Variants in MACROD2 observed in about 807,000 individuals in gnomAD.
The protein encoded by MACROD2 is mono-ADP ribosylhydrolase 2.
A neutral mutation model predicts 70.4 loss-of-function variants in MACROD2; 36 were observed. The ratio of observed to expected loss-of-function variants is 0.51; its 90% confidence interval spans 0.39 to 0.68. The LOEUF is 0.68. Among genes scored for constraint, MACROD2 ranks in the 30% least tolerant of loss-of-function variants. The pLI, the probability that MACROD2 is intolerant of heterozygous loss-of-function variation, is 0.00. For missense variants in MACROD2, 496 were observed against 538.4 expected (o/e 0.92, Z 0.78); for synonymous variants, 172 against 178.8 (o/e 0.96, Z 0.30).
At chr20:14,797,506 T>C (rs2122127683) in intron 5 of MACROD2, among the ~76,000 whole-genome samples, 1 of 152,104 alleles carries the variant, frequency 6.6e-6, no homozygotes, top group East Asian at 1.9e-4. Flanking sequence ...CTCAGCGCCT[T>C]TGTGCCTGCT....
intron 8 of MACROD2, among the ~76,000 whole-genome samples, chr20:15,607,849 C>T (rs2048915171): frequency 6.6e-6 from 1 of 152,124 alleles, no homozygotes; most frequent in South Asian, 2.1e-4. Context: ...AAAGATGTTT[C>T]TATAAGCCAA....
At chr20:16,040,976 G>A (rs911198488) in intron 15 of MACROD2, among the ~76,000 whole-genome samples, 1 of 151,934 alleles carries the variant, frequency 6.6e-6, no homozygotes, top group Non-Finnish European at 1.5e-5. Context: ...AACTATATAT[G>A]TATATATGTG....
chr20:15,131,191 G>A (rs992372396), intron 5 of MACROD2, among the ~76,000 whole-genome samples: 2 of 152,086 alleles, frequency 1.3e-5, no homozygotes, highest in Admixed American at 1.3e-4. Flanking sequence ...TTGACATGGA[G>A]ACTAATAACA....
intron 5 of MACROD2, among the ~76,000 whole-genome samples, chr20:14,789,460 ATT>A (rs3045609): frequency 0.048 from 2,341 of 48,288 alleles, 106 homozygotes; most frequent in Non-Finnish European, 0.063. Context: ...GGTAGTGCAA[ATT>A]TTTTTTTTTT....
rs1600754279 is a variant in MACROD2 at position 14,874,489 on chromosome 20, A to G, written c.418+189530A>G. ...ATTACTAAATTCACAAACAAACTTT[A>G]TAGGTCATCATTGAACATTTTATTT... is the stretch of plus-strand genomic sequence containing the variant. On this transcript the variant is annotated intron_variant, in intron 5 of 17. Transcript: ENST00000684519. Among the ~76,000 whole-genome samples the G allele has an allele frequency of 4.0e-5, 6 of 151,406 alleles. No homozygotes were observed. In the South Asian group the frequency reaches 1.2e-3, roughly 32 times the overall value.
At chr20:14,566,379 A>G (rs1277693689) in intron 4 of MACROD2, among the ~76,000 whole-genome samples, 1 of 151,874 alleles carries the variant, frequency 6.6e-6, no homozygotes, top group Admixed American at 6.6e-5. Flanking sequence ...GTGTGTTATG[A>G]TCATGCTTAT....
intron 7 of MACROD2, among the ~76,000 whole-genome samples, chr20:15,449,296 A>ACAG (rs11472271): frequency 0.62 from 93,725 of 151,660 alleles, 29,823 homozygotes; most frequent in African/African-American, 0.76. Flanking sequence ...CCTATTAAAA[A>ACAG]CAGCAGCAAC....
chr20:14,859,968 C>A (rs922740601), intron 5 of MACROD2, among the ~76,000 whole-genome samples: 1 of 152,126 alleles, frequency 6.6e-6, no homozygotes, highest in South Asian at 2.1e-4. Context: ...TGTCACCTAG[C>A]AGCTCAGAGG....
At chr20:15,512,696 C>A (rs1331072666) in intron 8 of MACROD2, among the ~76,000 whole-genome samples, 1 of 152,166 alleles carries the variant, frequency 6.6e-6, no homozygotes, top group African/African-American at 2.4e-5. Flanking sequence ...ACACCACCCT[C>A]ATGTGAATCA....
intron 3 of MACROD2, among the ~76,000 whole-genome samples, chr20:14,271,697 A>G (rs563260108): frequency 6.6e-6 from 1 of 152,332 alleles, no homozygotes; most frequent in East Asian, 1.9e-4. Context: ...AACTACTCCG[A>G]GCTACAGGAG....
chr20:14,958,140 G>A (rs1053031422), intron 5 of MACROD2, among the ~76,000 whole-genome samples: 1 of 152,132 alleles, frequency 6.6e-6, no homozygotes, highest in African/African-American at 2.4e-5. Context: ...ACTTATATTT[G>A]TCTGTTTCTA....
chr20:14,427,078 C>G (rs1022590644), intron 3 of MACROD2, among the ~76,000 whole-genome samples: 2 of 152,098 alleles, frequency 1.3e-5, no homozygotes, highest in Non-Finnish European at 2.9e-5. Flanking sequence ...TTGGTTGGCT[C>G]TTACATCATG....
At chr20:15,465,274 T>C (rs2046869892) in intron 7 of MACROD2, among the ~76,000 whole-genome samples, 1 of 152,260 alleles carries the variant, frequency 6.6e-6, no homozygotes, top group Non-Finnish European at 1.5e-5. Flanking sequence ...TTTAAAAAGA[T>C]GTATCTACCA....
intron 8 of MACROD2, among the ~76,000 whole-genome samples, chr20:15,652,639 A>G (rs1383508317): frequency 6.6e-6 from 1 of 152,138 alleles, no homozygotes; most frequent in Non-Finnish European, 1.5e-5. Context: ...TTTTCAGATT[A>G]ATAATCAAGA....
chr20:14,789,459 A>ATT (rs1230000349), intron 5 of MACROD2, among the ~76,000 whole-genome samples: 4 of 48,870 alleles, frequency 8.2e-5, no homozygotes, highest in East Asian at 8.2e-4. Flanking sequence ...AGGTAGTGCA[A>ATT]ATTTTTTTTT....
intron 4 of MACROD2, among the ~76,000 whole-genome samples, chr20:14,639,160 G>T (rs150663328): frequency 6.6e-6 from 1 of 152,266 alleles, no homozygotes; most frequent in Non-Finnish European, 1.5e-5. Flanking sequence ...TGGGGTTCCT[G>T]ACTGAGGTAG....
chr20:14,812,166 T>A (rs1453809276), intron 5 of MACROD2, among the ~76,000 whole-genome samples: 7 of 152,024 alleles, frequency 4.6e-5, no homozygotes, highest in Admixed American at 4.6e-4. Context: ...TGCAAAGGCT[T>A]GGAACCCACC....
intron 3 of MACROD2, among the ~76,000 whole-genome samples, chr20:14,281,129 A>G (rs1471232407): frequency 6.6e-6 from 1 of 152,182 alleles, no homozygotes; most frequent in African/African-American, 2.4e-5. Flanking sequence ...TTTGTACACA[A>G]ATGTTCATAA....
intron 4 of MACROD2, among the ~76,000 whole-genome samples, chr20:14,541,204 A>G (rs2085427278): frequency 6.6e-6 from 1 of 152,218 alleles, no homozygotes; most frequent in Non-Finnish European, 1.5e-5. Context: ...TTTATGTGAC[A>G]ATAGGTACTC....
Sources: gnomAD v4.1 joint callset for allele counts (sites outside exome capture counted in the v4.1 genomes callset) on GRCh38, gnomAD v4.1.1 for gene constraint, MANE v1.5 for transcripts, NCBI Gene and HGNC (gene_info 2026-07-23, HGNC 2026-07-21) for gene names.